HAS2: variants seen among roughly 807,000 people sequenced by gnomAD.
The protein encoded by HAS2 is HA synthase 2.
Under a neutral mutation model 51.6 loss-of-function variants are expected in HAS2, and 16 were observed. The observed-to-expected ratio is 0.31, with a 90% CI of 0.21 to 0.47. HAS2 has a LOEUF of 0.47. HAS2 is among the 20% of genes least tolerant of loss of function. The pLI, the probability that HAS2 is intolerant of heterozygous loss-of-function variation, is 1.00. For synonymous variants in HAS2, 228 were observed against 235.5 expected (o/e 0.97, Z 0.29); for missense variants, 361 against 662.6 (o/e 0.54, Z 5.00).
intron 3 of HAS2, among the ~76,000 whole-genome samples, chr8:121,616,227 T>C (rs1000407939): frequency 6.6e-6 from 1 of 152,150 alleles, no homozygotes; most frequent in Non-Finnish European, 1.5e-5. Flanking sequence ...TGTTTCTTCA[T>C]CAATAACAAA....
At chr8:121,638,139 T>A (rs571532626) in intron 1 of HAS2, among the ~76,000 whole-genome samples, 4 of 152,198 alleles carry the variant, frequency 2.6e-5, no homozygotes, top group Non-Finnish European at 4.4e-5. Context: ...AAGAAAAAAA[T>A]TTTTTTAAAA....
At chr8:121,637,857 G>A (rs923966153) in intron 1 of HAS2, among the ~76,000 whole-genome samples, 3 of 152,142 alleles carry the variant, frequency 2.0e-5, no homozygotes, top group African/African-American at 7.2e-5. Flanking sequence ...ACAGAAACAC[G>A]GCATGGGTTT....
At chr8:121,625,927 G>C (rs1307341447) in intron 2 of HAS2, among the ~76,000 whole-genome samples, 6 of 151,758 alleles carry the variant, frequency 4.0e-5, no homozygotes, top group Non-Finnish European at 5.9e-5. Flanking sequence ...TACCACACTG[G>C]GTTTCTCTGT....
intron 2 of HAS2, among the ~76,000 whole-genome samples, chr8:121,618,918 A>G (rs1812741756): frequency 1.3e-5 from 2 of 152,148 alleles, no homozygotes; most frequent in Admixed American, 6.5e-5. Context: ...ACAAAGTGAG[A>G]CCCTGTCTCA....
At chr8:121,626,365 A>G (rs1812852764) in intron 2 of HAS2, among the ~76,000 whole-genome samples, 1 of 152,216 alleles carries the variant, frequency 6.6e-6, no homozygotes, top group South Asian at 2.1e-4. Context: ...CCAAGTGAAA[A>G]GAGTGCTGAA....
At position 121,628,909 on chromosome 8, in the gene HAS2, G is replaced by T. The variant is rs763134062; in HGVS notation, c.432C>A (p.Ala144=). The T allele has an allele frequency of 1.2e-6, 2 of 1,613,842 alleles. No individual in the cohort carries two copies. Among genetic ancestry groups the T allele is most frequent in the African/African-American group, 1.3e-5 (1 of 74,884 alleles). The part of the protein sequence containing the change: ...FSEVMGRDKS[A]TYIWKNNFHE... Reference sequence around the variant, plus strand: ...GGAAGTTGTTCTTCCAGATATAAGTGGCTGATTTGTCTCTGCCCATGACTT... The same window carrying T: ...GGAAGTTGTTCTTCCAGATATAAGTTGCTGATTTGTCTCTGCCCATGACTT... The change falls in exon 2 of 4, where the codon GCC becomes GCA. Residue 144 remains alanine (A), a synonymous_variant. Coordinates refer to ENST00000303924, the MANE Select transcript of HAS2 (RefSeq NM_005328.3).
intron 1 of HAS2, among the ~76,000 whole-genome samples, chr8:121,633,913 T>TG (rs1812971482): frequency 7.6e-6 from 1 of 131,488 alleles, no homozygotes. Flanking sequence ...TTTTTTTGGG[T>TG]TTTTTTTTTT....
chr8:121,622,539 C>T lies in HAS2; in HGVS notation c.628-5333G>A, dbSNP rs1161857022. 2.0e-5 allele frequency among the ~76,000 whole-genome samples: 3 copies of T among 151,942 alleles called. No homozygotes were observed. The East Asian group carries it at 5.8e-4, about 29-fold the overall frequency. ...GTAAAGCTGTTAGTAATGGCTAGCT[C>T]ACAGTAAATGCTCAATAAATGGAAC... On this transcript the variant is annotated intron_variant, in intron 2 of 3. Transcript: ENST00000303924.
At chr8:121,616,360 A>T (rs1324387545) in intron 3 of HAS2, among the ~76,000 whole-genome samples, 4 of 151,160 alleles carry the variant, frequency 2.6e-5, no homozygotes, top group Non-Finnish European at 5.9e-5. Context: ...TCAACCACAT[A>T]TTGATCATCC....
intron 1 of HAS2, among the ~76,000 whole-genome samples, chr8:121,631,461 T>C (rs187323215): frequency 6.4e-4 from 98 of 152,258 alleles, no homozygotes; most frequent in African/African-American, 2.3e-3. Flanking sequence ...AAACCAGAAA[T>C]GCATTGCAGC....
chr8:121,626,200 G>T (rs770395516), intron 2 of HAS2, among the ~76,000 whole-genome samples: 7 of 152,202 alleles, frequency 4.6e-5, no homozygotes, highest in Non-Finnish European at 1.0e-4. Context: ...GATCTTGACA[G>T]CATTCAGAAT....
chr8:121,631,898 G>C (rs192840269), intron 1 of HAS2, among the ~76,000 whole-genome samples: 22 of 152,328 alleles, frequency 1.4e-4, no homozygotes, highest in Admixed American at 6.5e-4. Context: ...CAAAAGAACT[G>C]CCTGCCATTC....
chr8:121,637,390 C>CTTTTTTTTTTT (rs397728062), intron 1 of HAS2, among the ~76,000 whole-genome samples: 1 of 130,774 alleles, frequency 7.6e-6, no homozygotes. Context: ...TCAAAATAGA[C>CTTTTTTTTTTT]TTTTTTTTTT....
intron 1 of HAS2, among the ~76,000 whole-genome samples, chr8:121,636,257 C>T (rs1813006790): frequency 6.6e-6 from 1 of 152,146 alleles, no homozygotes; most frequent in Non-Finnish European, 1.5e-5. Context: ...GATGTGTATT[C>T]CCTCTGCTAC....
rs1392451618 is a variant in HAS2 at position 121,612,714 on chromosome 8, C to T, written c.*1395G>A. 6.6e-6 allele frequency: 1 copy of T among 152,098 alleles called. No homozygotes were observed. The allele number at this position is 152,098 out of a possible 1,614,324, so 9.4% of individuals were successfully genotyped here. A position where few individuals can be genotyped will look rare whatever the true frequency, so the allele number is the denominator to read the frequency against. The stretch of plus-strand genomic sequence containing the variant: ...TTTATATGTGCCAATCATTGATATA[C>T]TTATTAAACCTTGATGTCACTTCTA... On this transcript the variant is annotated 3_prime_UTR_variant, in exon 4 of 4. Coordinates refer to ENST00000303924, the MANE Select transcript of HAS2 (RefSeq NM_005328.3).
rs772816466 is a variant in HAS2, at chr8:121,612,972, C to T, written c.*1137G>A. Reference sequence around the variant, plus strand: ...AAAAAAAAAAAAAAGACAGGCAAAACATGTTCAATGTGTAGGTAGGACCCA... The same window carrying T: ...AAAAAAAAAAAAAAGACAGGCAAAATATGTTCAATGTGTAGGTAGGACCCA... On this transcript the variant is annotated 3_prime_UTR_variant, in exon 4 of 4. Coordinates refer to ENST00000303924, the MANE Select transcript of HAS2 (RefSeq NM_005328.3). 6.8e-6 allele frequency: 1 copy of T among 147,508 alleles called. No individual in the cohort carries two copies. The allele number at this position is 147,508 out of a possible 1,614,324, so 9.1% of individuals were successfully genotyped here.
intron 2 of HAS2, among the ~76,000 whole-genome samples, chr8:121,627,688 G>C (rs1199587812): frequency 6.6e-6 from 1 of 152,016 alleles, no homozygotes; most frequent in Non-Finnish European, 1.5e-5. Context: ...TAGAACTTTG[G>C]TCAACTGACT....
intron 2 of HAS2, among the ~76,000 whole-genome samples, chr8:121,620,835 T>A (rs1218404831): frequency 2.6e-5 from 4 of 152,138 alleles, no homozygotes; most frequent in Non-Finnish European, 5.9e-5. Context: ...CCAAGAATGG[T>A]TACACATTAT....
intron 2 of HAS2, among the ~76,000 whole-genome samples, chr8:121,624,834 G>T (rs1812819437): frequency 6.6e-6 from 1 of 152,078 alleles, no homozygotes; most frequent in Non-Finnish European, 1.5e-5. Flanking sequence ...AGTGGCTCAC[G>T]CCTGTAATCC....
Sources: allele counts gnomAD v4.1 joint callset (sites outside exome capture counted in the v4.1 genomes callset), GRCh38; gene constraint gnomAD v4.1.1; transcripts MANE v1.5; gene names NCBI Gene and HGNC (gene_info 2026-07-23, HGNC 2026-07-21).